LRP1B: variants seen among roughly 807,000 people sequenced by gnomAD.
LRP1B encodes low-density lipoprotein receptor-related protein 1B.
Under a neutral mutation model 556.6 loss-of-function variants are expected in LRP1B, and 217 were observed. The observed-to-expected ratio is 0.39, with a 90% confidence interval of 0.35 to 0.44. LRP1B has a LOEUF of 0.44. Among genes scored for constraint, LRP1B ranks in the 20% least tolerant of loss-of-function variants. The pLI is 1.00. For synonymous variants in LRP1B, 2,047 were observed against 1,865.8 expected (o/e 1.10, Z -2.50); for missense variants, 5,053 against 5,620.8 (o/e 0.90, Z 3.23).
chr2:141,623,698 A>G (rs1688587036), intron 2 of LRP1B, among the ~76,000 whole-genome samples: 1 of 150,446 alleles, frequency 6.6e-6, no homozygotes, highest in Admixed American at 6.8e-5. Flanking sequence ...ACATAGAGAC[A>G]TGTTATGACC....
chr2:140,723,229 T>G (rs1322736038), intron 35 of LRP1B, among the ~76,000 whole-genome samples: 1 of 152,150 alleles, frequency 6.6e-6, no homozygotes, highest in Non-Finnish European at 1.5e-5. Context: ...TTGTCAAGCT[T>G]TAGTCCTTTG....
chr2:141,552,257 A>T lies in LRP1B; in HGVS notation c.206-71724T>A, dbSNP rs1048066137. Among the ~76,000 whole-genome samples, 24 of 152,104 alleles carry T rather than the reference A, an allele frequency of 1.6e-4. No individual in the cohort carries two copies. In the South Asian group the frequency reaches 4.8e-3, roughly 30 times the overall value. The stretch of plus-strand genomic sequence containing the variant: ...TTAAAAGCTATATTGGTGTCATGAG[A>T]TTATTTCTAGTGAAAAATGTCAATT... On this transcript the variant is annotated intron_variant, in intron 2 of 90. Transcript: ENST00000389484.
chr2:142,130,502 C>T (rs545726225), intron 1 of LRP1B, 146 bp downstream of exon 1: 1 of 659,646 alleles, frequency 1.5e-6, no homozygotes, highest in Admixed American at 2.9e-5. Flanking sequence ...CCTCTCACCC[C>T]CGCACAGGGC....
At chr2:140,620,018 T>G (rs2105247996) in intron 41 of LRP1B, among the ~76,000 whole-genome samples, 1 of 152,290 alleles carries the variant, frequency 6.6e-6, no homozygotes, top group East Asian at 1.9e-4. Context: ...AATACATATT[T>G]TTCTTTCTCT....
At chr2:141,047,383 A>C (rs953112962) in intron 11 of LRP1B, among the ~76,000 whole-genome samples, 9 of 152,080 alleles carry the variant, frequency 5.9e-5, no homozygotes, top group Admixed American at 2.6e-4. Flanking sequence ...ATCAGGTTTG[A>C]TTTAAAGTAA....
intron 71 of LRP1B, among the ~76,000 whole-genome samples, chr2:140,366,348 G>A (rs1024060767): frequency 1.3e-5 from 2 of 151,590 alleles, no homozygotes; most frequent in African/African-American, 4.8e-5. Flanking sequence ...TTGGTAGATG[G>A]TATTGTTCAT....
At chr2:141,369,149 A>G (rs951642809) in intron 3 of LRP1B, among the ~76,000 whole-genome samples, 17 of 152,262 alleles carry the variant, frequency 1.1e-4, no homozygotes, top group African/African-American at 4.1e-4. Flanking sequence ...AAAATAAAAC[A>G]AATTTTAAAA....
chr2:141,029,195 GA>G (rs1282967581), intron 11 of LRP1B, among the ~76,000 whole-genome samples: 1 of 152,130 alleles, frequency 6.6e-6, no homozygotes, highest in East Asian at 1.9e-4. Context: ...TTAAATAGCA[GA>G]AAAACAACTT....
chr2:141,334,909 A>G (rs1687789884), intron 3 of LRP1B, among the ~76,000 whole-genome samples: 1 of 152,168 alleles, frequency 6.6e-6, no homozygotes, highest in Non-Finnish European at 1.5e-5. Context: ...GAGTAAGGCT[A>G]CTTGTTAAAG....
intron 7 of LRP1B, among the ~76,000 whole-genome samples, chr2:141,121,541 A>T (rs1389239761): frequency 6.6e-6 from 1 of 152,036 alleles, no homozygotes; most frequent in Admixed American, 6.6e-5. Context: ...CCAACTTACA[A>T]GGGATGTGAA....
In LRP1B at chr2:140,510,032, A is replaced by G; in HGVS notation, c.8294T>C (p.Met2765Thr). 1 of 1,613,892 alleles carries G rather than the reference A, an allele frequency of 6.2e-7. No homozygotes were observed. The highest frequency in any genetic ancestry group is 8.5e-7 in the Non-Finnish European group (1 of 1,180,004). The change falls in exon 52 of 91, where the codon ATG (methionine) becomes ACG (threonine). Residue 2765 changes from methionine to threonine, a missense_variant. This residue lies in a region of LRP1B where 3,619 missense variants were observed against 3,931.9 expected (regional missense o/e 0.92). Coordinates refer to ENST00000389484, the MANE Select transcript of LRP1B (RefSeq NM_018557.3). Reference protein sequence around the residue: ...ICGAITCAADMFSCQGSRACV... With the variant: ...ICGAITCAADTFSCQGSRACV... Reference sequence around the variant, plus strand: ...GGCACGAGAGCCCTGGCAGCTGAACATGTCAGCAGCACAGGTTATGGCACC... The same window carrying G: ...GGCACGAGAGCCCTGGCAGCTGAACGTGTCAGCAGCACAGGTTATGGCACC...
chr2:140,393,346 TTAA>T (rs768777146), intron 66 of LRP1B, among the ~76,000 whole-genome samples: 4 of 152,148 alleles, frequency 2.6e-5, no homozygotes, highest in Non-Finnish European at 5.9e-5. Context: ...TCACTATTGA[TTAA>T]TGTTTTAGTT....
intron 43 of LRP1B, among the ~76,000 whole-genome samples, chr2:140,593,570 C>T (rs768883994): frequency 1.6e-4 from 25 of 151,998 alleles, no homozygotes; most frequent in Non-Finnish European, 2.8e-4. Context: ...ATGCATTCCT[C>T]GATATTTAGG....
intron 60 of LRP1B, among the ~76,000 whole-genome samples, chr2:140,466,664 A>T (rs1316635112): frequency 1.3e-5 from 2 of 152,206 alleles, no homozygotes; most frequent in Non-Finnish European, 2.9e-5. Context: ...AATTTTTTCC[A>T]ATATGCTGGA....
intron 41 of LRP1B, among the ~76,000 whole-genome samples, chr2:140,674,201 C>T (rs1287689765): frequency 1.3e-5 from 2 of 152,036 alleles, no homozygotes; most frequent in African/African-American, 4.8e-5. Flanking sequence ...CCACCTGCCT[C>T]GGCCTCCCAA....
At position 141,955,672 on chromosome 2, in the gene LRP1B, G is replaced by A. The variant is rs72852538; in HGVS notation, c.83-145271C>T. ...TGAAGCTAGGTTATTTATTCCCTGG[G>A]TTCCTTCCCTCCTGAGTCAGCTCAC... On this transcript the variant is annotated intron_variant, in intron 1 of 90. Transcript: ENST00000389484. Among the ~76,000 whole-genome samples the A allele has an allele frequency of 7.7e-4, 117 of 152,052 alleles. 1 individual carries two copies. The highest frequency in any genetic ancestry group is 1.2e-3 in the Admixed American group (18 of 15,256).
chr2:140,677,824 C>T lies in LRP1B; in HGVS notation c.6799+22426G>A, dbSNP rs548898466. On this transcript the variant is annotated intron_variant, in intron 41 of 90. Transcript: ENST00000389484. ...CCAGGAGGTGGAGGTTGCAGTGAGC[C>T]GAGATCGTGCTATTGCACTCCAGTC... is the stretch of plus-strand genomic sequence containing the variant. Among the ~76,000 whole-genome samples the T allele has an allele frequency of 2.1e-4, 31 of 144,692 alleles. No individual in the cohort carries two copies. The South Asian group carries it at 3.7e-3, about 17-fold the overall frequency. 94.9% of individuals were successfully genotyped at this position (144,692 alleles called of 152,430 possible).
At chr2:142,061,226 T>C (rs1179370460) in intron 1 of LRP1B, among the ~76,000 whole-genome samples, 1 of 151,916 alleles carries the variant, frequency 6.6e-6, no homozygotes, top group Non-Finnish European at 1.5e-5. Context: ...CTTGTGTGGG[T>C]AAACGGATAA....
At chr2:142,008,748 C>T (rs1394405172) in intron 1 of LRP1B, among the ~76,000 whole-genome samples, 1 of 151,978 alleles carries the variant, frequency 6.6e-6, no homozygotes, top group Non-Finnish European at 1.5e-5. Context: ...GATATGTCCC[C>T]TTCTTGATTT....
Sources: allele counts gnomAD v4.1 joint callset (sites outside exome capture counted in the v4.1 genomes callset), GRCh38; gene constraint gnomAD v4.1.1; regional missense constraint gnomAD v4.1.1; transcripts MANE v1.5; gene names NCBI Gene and HGNC (gene_info 2026-07-23, HGNC 2026-07-21).